The following GRID1 variants were observed in gnomAD, a reference collection of about 807,000 sequenced individuals.
The protein encoded by GRID1 is glutamate receptor ionotropic, delta-1.
GRID1 carries 28 observed loss-of-function variants against 98.0 expected under a neutral mutation model. The ratio of observed to expected loss-of-function variants is 0.29; its 90% confidence interval spans 0.21 to 0.39. The LOEUF (loss-of-function observed/expected upper bound fraction) is 0.39, where lower values mean the gene tolerates loss of function less well. GRID1 is among the 10% of genes least tolerant of loss of function. GRID1 has a pLI of 1.00. For synonymous variants in GRID1, 553 were observed against 538.5 expected (o/e 1.03, Z -0.37); for missense variants, 1,111 against 1,340.5 (o/e 0.83, Z 2.67).
intron 12 of GRID1, among the ~76,000 whole-genome samples, chr10:85,722,313 G>T (rs947247736): frequency 4.6e-5 from 7 of 152,184 alleles, no homozygotes; most frequent in Non-Finnish European, 8.8e-5. Context: ...TGTACCCAAT[G>T]AAGTGTACAA....
chr10:85,719,427 A>T (rs1841675357), intron 12 of GRID1, among the ~76,000 whole-genome samples: 1 of 152,188 alleles, frequency 6.6e-6, no homozygotes, highest in Non-Finnish European at 1.5e-5. Flanking sequence ...AAAACTGGGA[A>T]CAAAAAAAAA....
chr10:85,933,970 C>A (rs1400452030), intron 4 of GRID1, among the ~76,000 whole-genome samples: 1 of 152,312 alleles, frequency 6.6e-6, no homozygotes. Context: ...GAGATCTGAG[C>A]TCCTTCAACA....
chr10:85,926,223 C>T (rs538402192), intron 4 of GRID1, among the ~76,000 whole-genome samples: 90 of 152,080 alleles, frequency 5.9e-4, no homozygotes, highest in African/African-American at 1.9e-3. Flanking sequence ...GTGGATGGTG[C>T]GACAGCTGGG....
rs1266621532 is a variant in GRID1 at position 86,284,655 on chromosome 10, G to A, written c.236-78007C>T. Among the ~76,000 whole-genome samples the A allele has an allele frequency of 3.3e-5, 5 of 152,366 alleles. No individual in the cohort carries two copies. The South Asian group carries it at 6.2e-4, about 19-fold the overall frequency. ...ACCCCAAAGCAGCGAATGTGGGCCT[G>A]CCAGGCCACAGGCTCTCAGTATGGC... On this transcript the variant is annotated intron_variant, in intron 2 of 15. Transcript: ENST00000327946.
intron 12 of GRID1, among the ~76,000 whole-genome samples, chr10:85,691,574 G>A (rs974045014): frequency 5.3e-5 from 8 of 152,054 alleles, no homozygotes; most frequent in African/African-American, 1.9e-4. Context: ...ACCTCAAAAT[G>A]TTCCTTTTTC....
intron 4 of GRID1, among the ~76,000 whole-genome samples, chr10:86,065,098 GCCA>G (rs1180786453): frequency 1.3e-5 from 2 of 152,138 alleles, no homozygotes; most frequent in Admixed American, 1.3e-4. Flanking sequence ...CCCCACTAGG[GCCA>G]CCACCCGGCC....
intron 4 of GRID1, among the ~76,000 whole-genome samples, chr10:86,064,122 T>C (rs1843687136): frequency 6.6e-6 from 1 of 152,228 alleles, no homozygotes; most frequent in Non-Finnish European, 1.5e-5. Flanking sequence ...GCCATGATAA[T>C]GTATAATCTC....
At chr10:85,902,865 G>T (rs954299351) in intron 5 of GRID1, among the ~76,000 whole-genome samples, 1 of 152,060 alleles carries the variant, frequency 6.6e-6, no homozygotes, top group African/African-American at 2.4e-5. Context: ...CCTTCCCTTT[G>T]AAATGGTTTC....
intron 2 of GRID1, among the ~76,000 whole-genome samples, chr10:86,260,198 C>T (rs1253990727): frequency 1.3e-5 from 2 of 152,238 alleles, no homozygotes; most frequent in Non-Finnish European, 2.9e-5. Context: ...CTTCCTTCCA[C>T]TTTTGGGCCA....
intron 12 of GRID1, among the ~76,000 whole-genome samples, chr10:85,653,803 T>G (rs1433046101): frequency 6.6e-6 from 1 of 152,254 alleles, no homozygotes; most frequent in Non-Finnish European, 1.5e-5. Flanking sequence ...CCCCCGTCCG[T>G]GTGATGCGCT....
At chr10:85,854,411 C>A in intron 8 of GRID1, 85 bp downstream of exon 8, 1 of 1,245,786 alleles carries the variant, frequency 8.0e-7, no homozygotes. Flanking sequence ...TTAACAGTTG[C>A]TGGGAGCTCA....
intron 4 of GRID1, among the ~76,000 whole-genome samples, chr10:86,010,991 A>C (rs1250242733): frequency 6.6e-6 from 1 of 152,168 alleles, no homozygotes. Context: ...GGAGTTTGGG[A>C]TAGGGATCTT....
chr10:85,692,233 C>T (rs2132611572), intron 12 of GRID1, among the ~76,000 whole-genome samples: 1 of 152,144 alleles, frequency 6.6e-6, no homozygotes, highest in East Asian at 1.9e-4. Context: ...AGCTGAGTGC[C>T]AAGCCATTTG....
intron 12 of GRID1, among the ~76,000 whole-genome samples, chr10:85,715,906 CTT>C (rs55700928): frequency 2.2e-4 from 32 of 147,268 alleles, no homozygotes; most frequent in South Asian, 4.3e-4. Flanking sequence ...TAGAACTAAC[CTT>C]TTTTTTTTTT....
intron 8 of GRID1, among the ~76,000 whole-genome samples, chr10:85,764,263 G>A (rs1215755485): frequency 1.3e-4 from 20 of 152,122 alleles, no homozygotes; most frequent in Admixed American, 1.3e-3. Flanking sequence ...GCAAAGTGAT[G>A]GTTCTCAAAG....
At chr10:85,860,164 C>G (rs1205311589) in intron 6 of GRID1, among the ~76,000 whole-genome samples, 2 of 152,074 alleles carry the variant, frequency 1.3e-5, no homozygotes, top group Non-Finnish European at 2.9e-5. Flanking sequence ...GTCCTTGCCT[C>G]CCTCCCTCAT....
chr10:85,929,376 T>A (rs1400602613), intron 4 of GRID1, among the ~76,000 whole-genome samples: 1 of 152,162 alleles, frequency 6.6e-6, no homozygotes, highest in Admixed American at 6.5e-5. Context: ...CTCAGCAACA[T>A]CTGTTCCATC....
intron 4 of GRID1, among the ~76,000 whole-genome samples, chr10:86,137,413 C>G (rs1012163896): frequency 2.0e-5 from 3 of 152,138 alleles, no homozygotes; most frequent in Non-Finnish European, 4.4e-5. Context: ...GTCTTTCCAC[C>G]CCCAAGCTTC....
intron 4 of GRID1, among the ~76,000 whole-genome samples, chr10:86,013,719 G>A (rs1213702199): frequency 6.6e-6 from 1 of 152,210 alleles, no homozygotes; most frequent in Non-Finnish European, 1.5e-5. Flanking sequence ...GACCAGTTAA[G>A]AGAAGAACAT....
Sources: gnomAD v4.1 joint callset for allele counts (sites outside exome capture counted in the v4.1 genomes callset) on GRCh38, gnomAD v4.1.1 for gene constraint, MANE v1.5 for transcripts, NCBI Gene and HGNC (gene_info 2026-07-23, HGNC 2026-07-21) for gene names.